The following PHACTR1 variants were observed in gnomAD, a reference collection of about 807,000 sequenced individuals.
PHACTR1 encodes the protein phosphatase and actin regulator 1.
PHACTR1 carries 16 observed loss-of-function variants against 69.2 expected under a neutral mutation model. The observed-to-expected ratio is 0.23, with a 90% CI of 0.16 to 0.35. The LOEUF is 0.35. Among genes scored for constraint, PHACTR1 ranks in the 10% least tolerant of loss-of-function variants. The pLI is 1.00. For missense variants in PHACTR1, 510 were observed against 734.7 expected (o/e 0.69, Z 3.54); for synonymous variants, 312 against 284.5 (o/e 1.10, Z -0.97).
intron 4 of PHACTR1, among the ~76,000 whole-genome samples, chr6:12,754,823 C>T (rs1040058644): frequency 1.3e-4 from 20 of 152,156 alleles, no homozygotes; most frequent in African/African-American, 4.3e-4. Context: ...CAACTATTTA[C>T]GTAGCATTTA....
intron 3 of PHACTR1, among the ~76,000 whole-genome samples, chr6:12,727,811 C>G (rs911891757): frequency 3.9e-5 from 6 of 152,152 alleles, no homozygotes; most frequent in Non-Finnish European, 8.8e-5. Flanking sequence ...AATCAGCCCA[C>G]GCCAATATCA....
chr6:12,861,731 A>ACTAT (rs1251437092), intron 4 of PHACTR1, among the ~76,000 whole-genome samples: 1 of 152,222 alleles, frequency 6.6e-6, no homozygotes, highest in Non-Finnish European at 1.5e-5. Context: ...ATATATAAAT[A>ACTAT]CTATGTAGGA....
At chr6:13,156,962 C>T (rs543416063) in intron 5 of PHACTR1, among the ~76,000 whole-genome samples, 2 of 152,312 alleles carry the variant, frequency 1.3e-5, no homozygotes, top group African/African-American at 4.8e-5. Flanking sequence ...ATCACCTAGT[C>T]ATTGGCCTCT....
At chr6:12,990,086 T>G (rs1392272185) in intron 4 of PHACTR1, among the ~76,000 whole-genome samples, 1 of 152,174 alleles carries the variant, frequency 6.6e-6, no homozygotes, top group Non-Finnish European at 1.5e-5. Context: ...GTCCCATATT[T>G]TTATAGCCAG....
At chr6:13,256,131 A>G (rs1317337728) in intron 10 of PHACTR1, among the ~76,000 whole-genome samples, 1 of 152,246 alleles carries the variant, frequency 6.6e-6, no homozygotes, top group Non-Finnish European at 1.5e-5. Flanking sequence ...ACAATATGGA[A>G]GCCACCAAGG....
intron 7 of PHACTR1, among the ~76,000 whole-genome samples, chr6:13,189,479 G>C (rs1319750866): frequency 1.3e-5 from 2 of 150,492 alleles, no homozygotes; most frequent in East Asian, 4.0e-4. Context: ...GCTCACTGCA[G>C]CCTCCACCTC....
intron 4 of PHACTR1, among the ~76,000 whole-genome samples, chr6:12,956,992 G>A (rs1436444532): frequency 1.3e-5 from 2 of 150,106 alleles, no homozygotes; most frequent in Non-Finnish European, 2.9e-5. Context: ...CAAAAATGCA[G>A]TCCTTCCAGG....
intron 7 of PHACTR1, among the ~76,000 whole-genome samples, chr6:13,196,966 T>A (rs1764524830): frequency 6.6e-6 from 1 of 152,244 alleles, no homozygotes; most frequent in Non-Finnish European, 1.5e-5. Flanking sequence ...TTTTTTGGCT[T>A]CTACCTTCCC....
intron 3 of PHACTR1, among the ~76,000 whole-genome samples, chr6:12,721,745 T>C (rs896333104): frequency 6.6e-6 from 1 of 152,168 alleles, no homozygotes; most frequent in East Asian, 1.9e-4. Context: ...CATGGGTTCC[T>C]CCACTGTAGC....
rs1774916927 is a variant in PHACTR1, at chr6:12,810,647, C to T, written c.250+60857C>T. On this transcript the variant is annotated intron_variant, in intron 4 of 14. Coordinates refer to ENST00000332995, the MANE Select transcript of PHACTR1 (RefSeq NM_030948.6). ...CAAAGGCTCATGTTCCGGCATCCTC[C>T]CCATAGCCACCAGGTAGTGACTGCC... Among the ~76,000 whole-genome samples the T allele has an allele frequency of 2.0e-5, 3 of 152,290 alleles. No homozygotes were observed. In the South Asian group the frequency reaches 6.2e-4, roughly 32 times the overall value.
chr6:13,041,236 T>A (rs1252596438), intron 4 of PHACTR1, among the ~76,000 whole-genome samples: 5 of 152,066 alleles, frequency 3.3e-5, no homozygotes, highest in Non-Finnish European at 7.4e-5. Context: ...AAATTAAGAA[T>A]TCCTTGTGAA....
At chr6:13,266,209 C>T (rs77733818) in intron 10 of PHACTR1, among the ~76,000 whole-genome samples, 134 of 152,246 alleles carry the variant, frequency 8.8e-4, no homozygotes, top group African/African-American at 3.1e-3. Context: ...CCTGTCCATT[C>T]ACATATGCTA....
chr6:13,244,955 A>C (rs972002983), intron 10 of PHACTR1, among the ~76,000 whole-genome samples: 2 of 152,346 alleles, frequency 1.3e-5, no homozygotes, highest in Admixed American at 6.5e-5. Context: ...GATTGAGTAA[A>C]GACAGGCATA....
chr6:12,807,966 T>A (rs1774549363), intron 4 of PHACTR1, among the ~76,000 whole-genome samples: 1 of 152,208 alleles, frequency 6.6e-6, no homozygotes, highest in Non-Finnish European at 1.5e-5. Context: ...CACCTCAGCT[T>A]TGGTTATTTT....
intron 4 of PHACTR1, among the ~76,000 whole-genome samples, chr6:12,998,599 C>G (rs1797704675): frequency 7.4e-6 from 1 of 135,304 alleles, no homozygotes; most frequent in South Asian, 2.3e-4. Context: ...CTGGGCGACA[C>G]AGCAAGACCT....
intron 4 of PHACTR1, among the ~76,000 whole-genome samples, chr6:12,774,457 T>C (rs2127632348): frequency 6.6e-6 from 1 of 152,294 alleles, no homozygotes; most frequent in African/African-American, 2.4e-5. Context: ...AACGTTGCAA[T>C]CTTGGCTCAC....
intron 4 of PHACTR1, among the ~76,000 whole-genome samples, chr6:12,831,852 G>A (rs887430978): frequency 3.9e-5 from 6 of 152,134 alleles, no homozygotes; most frequent in Non-Finnish European, 1.5e-5. Context: ...TTTTTAATGA[G>A]TTCTTAAAAT....
chr6:13,256,747 C>T (rs1775246611), intron 10 of PHACTR1, among the ~76,000 whole-genome samples: 1 of 152,190 alleles, frequency 6.6e-6, no homozygotes, highest in Admixed American at 6.5e-5. Flanking sequence ...CCAATAAGTT[C>T]CTCATTTCCA....
At chr6:13,259,882 C>T (rs376397850) in intron 10 of PHACTR1, among the ~76,000 whole-genome samples, 7 of 152,104 alleles carry the variant, frequency 4.6e-5, no homozygotes, top group Non-Finnish European at 8.8e-5. Context: ...AAGAGCTGGG[C>T]GTGCGGATCA....
Sources: allele counts gnomAD v4.1 joint callset (sites outside exome capture counted in the v4.1 genomes callset), GRCh38; gene constraint gnomAD v4.1.1; transcripts MANE v1.5; gene names NCBI Gene and HGNC (gene_info 2026-07-23, HGNC 2026-07-21).